ARHGAP17: variants seen among roughly 807,000 people sequenced by gnomAD.
The protein encoded by ARHGAP17 is Rho GTPase activating protein 17.
A neutral mutation model predicts 99.5 loss-of-function variants in ARHGAP17; 57 were observed. The observed-to-expected ratio is 0.57, with a 90% confidence interval of 0.46 to 0.71. ARHGAP17 has a LOEUF of 0.71. ARHGAP17 is among the 30% of genes least tolerant of loss of function. The pLI is 0.00. For synonymous variants in ARHGAP17, 417 were observed against 429.6 expected (o/e 0.97, Z 0.36); for missense variants, 1,000 against 1,122.4 (o/e 0.89, Z 1.56).
chr16:24,935,661 T>A (rs2051120555), intron 17 of ARHGAP17, 22 bp from the exon 18 acceptor site: 1 of 1,612,056 alleles, frequency 6.2e-7, no homozygotes, highest in Non-Finnish European at 8.5e-7. Context: ...AAAAGTCAAG[T>A]TAGACGTCAG....
chr16:24,960,816 C>T (rs1276841778), intron 7 of ARHGAP17, among the ~76,000 whole-genome samples: 1 of 137,320 alleles, frequency 7.3e-6, no homozygotes, highest in South Asian at 2.7e-4. Context: ...ACTCCGTCTC[C>T]AAAGAAAAAA....
chr16:24,947,434 T>A (rs1409433422), intron 14 of ARHGAP17, 48 bp downstream of exon 14: 1 of 1,441,296 alleles, frequency 6.9e-7, no homozygotes. Context: ...ATGCATCCCA[T>A]CAGGTGGGAA....
chr16:24,929,171 T>TA (rs1302749827), intron 19 of ARHGAP17, among the ~76,000 whole-genome samples: 18 of 149,010 alleles, frequency 1.2e-4, no homozygotes, highest in African/African-American at 3.9e-4. Flanking sequence ...TTTTTTTTTT[T>TA]AAAAAGAGGC....
rs1012651365 is a variant in ARHGAP17 at position 25,015,342 on chromosome 16, G to A, written c.-81C>T. 1.8e-5 allele frequency: 21 copies of A among 1,189,902 alleles called. No individual in the cohort carries two copies. The highest frequency in any genetic ancestry group is 4.8e-5 in the African/African-American group (3 of 62,606). The allele number at this position is 1,189,902 out of a possible 1,614,324, so 73.7% of individuals were successfully genotyped here. On this transcript the variant is annotated 5_prime_UTR_variant, in exon 1 of 20. Coordinates refer to ENST00000289968, the MANE Select transcript of ARHGAP17 (RefSeq NM_001006634.3). ...CCTGGCAGCTACTACATCGCTTCCC[G>A]GCCCAAACGGCGGCGCGGCGGTGGC... is the stretch of plus-strand genomic sequence containing the variant.
rs2053760736 is a variant in ARHGAP17, at chr16:25,015,364, T to C, written c.-103A>G. On this transcript the variant is annotated 5_prime_UTR_variant, in exon 1 of 20. Coordinates refer to ENST00000289968, the MANE Select transcript of ARHGAP17 (RefSeq NM_001006634.3). ...CCCGGCCCAAACGGCGGCGCGGCGG[T>C]GGCTCCCCGGGCCGGCGGCCCCGCC... 4.6e-6 allele frequency: 5 copies of C among 1,086,640 alleles called. No individual in the cohort carries two copies. Among genetic ancestry groups the C allele is most frequent in the Non-Finnish European group, 5.8e-6 (5 of 864,428 alleles). The allele number at this position is 1,086,640 out of a possible 1,614,324, so 67.3% of individuals were successfully genotyped here.
intron 19 of ARHGAP17, among the ~76,000 whole-genome samples, chr16:24,925,829 G>A (rs2050824587): frequency 1.3e-5 from 2 of 152,128 alleles, no homozygotes; most frequent in Admixed American, 1.3e-4. Flanking sequence ...AGAAAAAAAG[G>A]GGCGGGTGTG....
At position 24,955,438 on chromosome 16, in the gene ARHGAP17, A is replaced by G. The variant is rs2051780871; in HGVS notation, c.725-708T>C. ...TCTTCAGGTTATGAGGCAGCTTAGC[A>G]CAAATACAATGAAGCAGTAAAATAG... On this transcript the variant is annotated intron_variant, in intron 9 of 19. Coordinates refer to ENST00000289968, the MANE Select transcript of ARHGAP17 (RefSeq NM_001006634.3). The surrounding 1 kb of genome is among the most constrained non-coding windows in gnomAD (Gnocchi z 4.0). 1 of 152,266 alleles carries G rather than the reference A, an allele frequency of 6.6e-6. No individual in the cohort carries two copies. Among genetic ancestry groups the G allele is most frequent in the African/African-American group, 2.4e-5 (1 of 41,474 alleles). The allele number at this position is 152,266 out of a possible 1,614,324, so 9.4% of individuals were successfully genotyped here. A position where few individuals can be genotyped will look rare whatever the true frequency, so the allele number is the denominator to read the frequency against.
chr16:24,998,337 G>A (rs1476552148), intron 1 of ARHGAP17, among the ~76,000 whole-genome samples: 1 of 151,980 alleles, frequency 6.6e-6, no homozygotes, highest in African/African-American at 2.4e-5. Context: ...GAGGTGAAAG[G>A]TGCATGGCAC....
At chr16:24,933,411 G>C (rs1169239392) in intron 18 of ARHGAP17, among the ~76,000 whole-genome samples, 2 of 151,892 alleles carry the variant, frequency 1.3e-5, no homozygotes, top group Admixed American at 1.3e-4. Context: ...GAGTCCAGTG[G>C]CTGGAGGATG....
rs548815016 is a variant in ARHGAP17, at chr16:24,985,514, C to G, written c.54-6509G>C. 2.0e-5 allele frequency among the ~76,000 whole-genome samples: 3 copies of G among 152,330 alleles called. No homozygotes were observed. The East Asian group carries it at 5.8e-4, about 29-fold the overall frequency. On this transcript the variant is annotated intron_variant, in intron 1 of 19. Transcript: ENST00000289968. ...CCAGTATGGTTCACTCTGGGCCTCTCTGCCACAGTCACCTCTTCCTCTGAC... is the reference window on the plus strand; with the variant it reads ...CCAGTATGGTTCACTCTGGGCCTCTGTGCCACAGTCACCTCTTCCTCTGAC...
chr16:24,985,903 G>A (rs527646842), intron 1 of ARHGAP17, among the ~76,000 whole-genome samples: 66 of 152,122 alleles, frequency 4.3e-4, no homozygotes, highest in African/African-American at 1.5e-3. Context: ...ATTTTTACAC[G>A]TCAGAATACA....
chr16:24,942,067 G>A lies in ARHGAP17; in HGVS notation c.1410C>T (p.Asn470=), dbSNP rs138724636. 21 of 1,613,990 alleles carry A rather than the reference G, an allele frequency of 1.3e-5. No homozygotes were observed. The highest frequency in any genetic ancestry group is 1.6e-4 in the Middle Eastern group (1 of 6,084). Residue 470 remains asparagine, a synonymous_variant, in exon 16 of 20, where the codon AAC becomes AAT. Coordinates refer to ENST00000289968, the MANE Select transcript of ARHGAP17 (RefSeq NM_001006634.3). ...PSSNHSFHTG[N]DSDSGTLERK... ...TCTCCAGGGTCCCCGAGTCAGAGTC[G>A]TTTCCAGTGTGGAATGAGTGATTAG...
At chr16:24,937,952 T>C (rs1344149479) in intron 17 of ARHGAP17, among the ~76,000 whole-genome samples, 1 of 152,244 alleles carries the variant, frequency 6.6e-6, no homozygotes, top group Non-Finnish European at 1.5e-5. Flanking sequence ...GGCACACATG[T>C]ATGCAAAGCT....
chr16:25,015,152 C>A, intron 1 of ARHGAP17, 57 bp downstream of exon 1: 1 of 1,226,152 alleles, frequency 8.2e-7, no homozygotes, highest in Non-Finnish European at 1.0e-6. Context: ...CGCCCCCGCG[C>A]CCTCCGCCCT....
chr16:24,935,974 G>A (rs1055900576), intron 17 of ARHGAP17: 5 of 346,212 alleles, frequency 1.4e-5, no homozygotes, highest in Admixed American at 8.6e-5. Context: ...TATGAGATTC[G>A]TTGCATCAGA....
At chr16:24,923,884 G>A (rs2050777488) in intron 19 of ARHGAP17, among the ~76,000 whole-genome samples, 1 of 152,136 alleles carries the variant, frequency 6.6e-6, no homozygotes, top group Non-Finnish European at 1.5e-5. Flanking sequence ...CCAGGAAACA[G>A]AAGTGGGTAT....
chr16:24,978,866 T>TAA (rs56027541), intron 2 of ARHGAP17, 100 bp downstream of exon 2: 775 of 586,376 alleles, frequency 1.3e-3, no homozygotes, highest in South Asian at 4.4e-3. Flanking sequence ...TGTTTCTGGT[T>TAA]AAAAAAAAAA....
intron 19 of ARHGAP17, among the ~76,000 whole-genome samples, chr16:24,925,800 G>C (rs963218275): frequency 6.6e-6 from 1 of 151,768 alleles, no homozygotes; most frequent in African/African-American, 2.4e-5. Context: ...GTACCTCCTT[G>C]CCTTCTAGAA....
intron 15 of ARHGAP17, among the ~76,000 whole-genome samples, chr16:24,943,408 C>A (rs1382347986): frequency 6.6e-6 from 1 of 152,202 alleles, no homozygotes; most frequent in Non-Finnish European, 1.5e-5. Context: ...TCAAATCTTT[C>A]TCCATCCACC....
Sources: allele counts gnomAD v4.1 joint callset (sites outside exome capture counted in the v4.1 genomes callset), GRCh38; gene constraint gnomAD v4.1.1; non-coding constraint Gnocchi (gnomAD v3.1); transcripts MANE v1.5; gene names NCBI Gene and HGNC (gene_info 2026-07-23, HGNC 2026-07-21).